CNTLN: variants seen among roughly 807,000 people sequenced by gnomAD.
CNTLN encodes the protein centlein, also known as centlein, centrosomal protein.
In CNTLN, 212 loss-of-function variants were observed where a neutral mutation model predicts 180.0. That is an observed-to-expected ratio of 1.18 (90% CI 1.05 to 1.32). The LOEUF is 1.32. Ranked by LOEUF, CNTLN falls within the 40% of genes most tolerant of loss-of-function variation. The pLI is 0.00. For missense variants in CNTLN, 2,095 were observed against 1,610.9 expected (o/e 1.30, Z -5.14); for synonymous variants, 722 against 563.1 (o/e 1.28, Z -3.99).
At chr9:17,199,457 C>G (rs1383549984) in intron 2 of CNTLN, among the ~76,000 whole-genome samples, 3 of 152,098 alleles carry the variant, frequency 2.0e-5, no homozygotes, top group African/African-American at 7.2e-5. Context: ...GTGATCCACC[C>G]TCCTTGGCCT....
intron 2 of CNTLN, among the ~76,000 whole-genome samples, chr9:17,199,531 C>G (rs1042738138): frequency 2.0e-5 from 3 of 152,124 alleles, no homozygotes; most frequent in Non-Finnish European, 2.9e-5. Context: ...TTAATAATCA[C>G]CATTCTAACT....
chr9:17,216,650 A>G (rs902549534), intron 2 of CNTLN, among the ~76,000 whole-genome samples: 1 of 151,962 alleles, frequency 6.6e-6, no homozygotes, highest in Non-Finnish European at 1.5e-5. Flanking sequence ...TAAAGTTTAC[A>G]TGTTTGCATG....
intron 5 of CNTLN, among the ~76,000 whole-genome samples, chr9:17,245,169 ATTAATGTTGTTTTTTATTTTC>A (rs1334287436): frequency 6.6e-6 from 1 of 152,050 alleles, no homozygotes; most frequent in African/African-American, 2.4e-5. Context: ...CTTATTGCTT[ATTAATGTTGTTTTTTATTTTC>A]TTTCAAATTG....
chr9:17,513,397 A>T, the CNTLN span, among the ~76,000 whole-genome samples: 110 of 152,326 alleles, frequency 7.2e-4, no homozygotes, highest in African/African-American at 2.4e-3. Context: ...ATAGAACTTA[A>T]GAAATATAAA....
At chr9:17,463,123 C>A in intron 20 of CNTLN, 110 bp downstream of exon 20, 1 of 607,290 alleles carries the variant, frequency 1.6e-6, no homozygotes. Flanking sequence ...TTCCCTAGTT[C>A]ATATTTAAAC....
At chr9:17,300,171 G>A (rs1249781150) in intron 7 of CNTLN, 30 of 152,064 alleles carry the variant, frequency 2.0e-4, no homozygotes, top group Admixed American at 2.0e-3. Flanking sequence ...TACATTTACT[G>A]GCTGAGCATC....
intron 2 of CNTLN, among the ~76,000 whole-genome samples, chr9:17,191,208 T>G (rs1168750372): frequency 6.6e-6 from 1 of 152,248 alleles, no homozygotes; most frequent in African/African-American, 2.4e-5. Flanking sequence ...GAAATCAGAT[T>G]GGACACTGCC....
chr9:17,457,046 T>C (rs1831167396), intron 18 of CNTLN, among the ~76,000 whole-genome samples: 1 of 152,188 alleles, frequency 6.6e-6, no homozygotes, highest in African/African-American at 2.4e-5. Flanking sequence ...ACAAGCCTCG[T>C]CTGCTAATTG....
chr9:17,235,732 C>T lies in CNTLN; in HGVS notation c.609C>T (p.Phe203=), dbSNP rs781682940. ...TTGCAGTAGATGAAGAAAATGCTTT[C>T]TTAAGGAAAGAATTCAGTGACTTGG... The part of the protein sequence containing the change: ...RKIAVDEENA[F]LRKEFSDLEK... Residue 203 remains phenylalanine (F), a synonymous_variant, in exon 4 of 26, where the codon TTC becomes TTT. Coordinates refer to ENST00000380647, the MANE Select transcript of CNTLN (RefSeq NM_017738.4). 1.0e-5 allele frequency: 16 copies of T among 1,606,652 alleles called. No individual in the cohort carries two copies. In the African/African-American group the frequency reaches 1.9e-4, roughly 19 times the overall value.
chr9:17,483,333 CT>C (rs71331490), intron 23 of CNTLN, among the ~76,000 whole-genome samples: 146,671 of 152,208 alleles, frequency 0.96, 70,848 homozygotes, highest in Non-Finnish European at 1. Context: ...GAAACAGATA[CT>C]TTTTATACAT....
At chr9:17,389,297 A>G (rs1234936527) in intron 14 of CNTLN, among the ~76,000 whole-genome samples, 1 of 152,114 alleles carries the variant, frequency 6.6e-6, no homozygotes, top group Non-Finnish European at 1.5e-5. Flanking sequence ...AATTGAATTA[A>G]TCTATGCACT....
intron 3 of CNTLN, among the ~76,000 whole-genome samples, chr9:17,233,526 A>C (rs1165420123): frequency 1.3e-5 from 2 of 152,138 alleles, no homozygotes; most frequent in Non-Finnish European, 2.9e-5. Context: ...ACTAGATTGC[A>C]GTCTGCAGTT....
chr9:17,413,182 A>G (rs1013445121), intron 16 of CNTLN, among the ~76,000 whole-genome samples: 4 of 149,974 alleles, frequency 2.7e-5, no homozygotes, highest in Non-Finnish European at 6.0e-5. Flanking sequence ...CTTTCAAAAA[A>G]TGGTGCTGGA....
chr9:17,342,116 CT>C (rs1270058381), intron 11 of CNTLN, among the ~76,000 whole-genome samples: 1 of 152,104 alleles, frequency 6.6e-6, no homozygotes, highest in East Asian at 1.9e-4. Flanking sequence ...TAAAAGTTTG[CT>C]TTCCACAGTA....
downstream of CNTLN, among the ~76,000 whole-genome samples, chr9:17,505,131 C>G (rs1833909151): frequency 2.1e-5 from 1 of 47,010 alleles, no homozygotes. Flanking sequence ...AAAATTGGCA[C>G]TCATTTATTT....
rs547446606 is a variant in CNTLN at position 17,210,844 on chromosome 9, A to G, written c.450-15359A>G. On this transcript the variant is annotated intron_variant, in intron 2 of 25. Transcript: ENST00000380647. ...TTTTTCATGTGTCTGTTGGCTGCATAAATGTCTTCTTTTGAGAAGTGTCTG... is the reference window on the plus strand; with the variant it reads ...TTTTTCATGTGTCTGTTGGCTGCATGAATGTCTTCTTTTGAGAAGTGTCTG... Among the ~76,000 whole-genome samples, 228 of 152,284 alleles carry G rather than the reference A, an allele frequency of 1.5e-3. 2 individuals are homozygous for G. Among genetic ancestry groups the G allele is most frequent in the African/African-American group, 5.3e-3 (219 of 41,550 alleles).
chr9:17,448,685 G>C (rs1368008352), intron 18 of CNTLN: 1 of 152,116 alleles, frequency 6.6e-6, no homozygotes, highest in Non-Finnish European at 1.5e-5. Flanking sequence ...TATTTTTGTT[G>C]ATCTGGCATG....
At chr9:17,464,170 T>C (rs989193107) in intron 20 of CNTLN, among the ~76,000 whole-genome samples, 1 of 151,436 alleles carries the variant, frequency 6.6e-6, no homozygotes, top group Non-Finnish European at 1.5e-5. Flanking sequence ...ATCACTTTGA[T>C]TTTTCACAGC....
chr9:17,363,342 G>C (rs1026164951), intron 12 of CNTLN, among the ~76,000 whole-genome samples: 71 of 152,318 alleles, frequency 4.7e-4, no homozygotes, highest in East Asian at 9.7e-4. Context: ...TCCACCAGCA[G>C]TGTAAGAGCA....
Sources: allele counts gnomAD v4.1 joint callset (sites outside exome capture counted in the v4.1 genomes callset), GRCh38; gene constraint gnomAD v4.1.1; transcripts MANE v1.5; gene names NCBI Gene and HGNC (gene_info 2026-07-23, HGNC 2026-07-21).